Variants in AK4 observed in about 807,000 individuals in gnomAD.
The protein encoded by AK4 is adenylate kinase 4, mitochondrial.
In AK4, 13 loss-of-function variants were observed where a neutral mutation model predicts 24.6. The observed-to-expected ratio is 0.53, with a 90% confidence interval of 0.34 to 0.84. The LOEUF (loss-of-function observed/expected upper bound fraction) is 0.84, where lower values mean the gene tolerates loss of function less well. Among genes scored for constraint, AK4 ranks in the 40% least tolerant of loss-of-function variants. The pLI is 0.01. For missense variants in AK4, 192 were observed against 288.2 expected, an observed-to-expected ratio of 0.67 and a Z score of 2.42; for synonymous variants, 88 against 107.0, an observed-to-expected ratio of 0.82 and a Z score of 1.10.
chr1:65,224,439 TTTG>T (rs1183876637), intron 3 of AK4, among the ~76,000 whole-genome samples: 1 of 152,084 alleles, frequency 6.6e-6, no homozygotes, highest in African/African-American at 2.4e-5. Context: ...GATGACAAGG[TTTG>T]TTGTTAGGAG....
At chr1:65,163,609 G>A (rs1198325743) in intron 1 of AK4, among the ~76,000 whole-genome samples, 1 of 152,208 alleles carries the variant, frequency 6.6e-6, no homozygotes, top group Non-Finnish European at 1.5e-5. Flanking sequence ...AAGCCAGGTT[G>A]CAGTTTGTCC....
intron 2 of AK4, among the ~76,000 whole-genome samples, chr1:65,214,910 G>A (rs563947296): frequency 2.0e-5 from 3 of 152,244 alleles, no homozygotes; most frequent in Admixed American, 1.3e-4. Context: ...AGATAGAGGC[G>A]ACTTGTTCTT....
intron 1 of AK4, among the ~76,000 whole-genome samples, chr1:65,190,160 A>G (rs1414909898): frequency 6.6e-6 from 1 of 151,946 alleles, no homozygotes; most frequent in Non-Finnish European, 1.5e-5. Flanking sequence ...CAGCTTTTTT[A>G]TGTACCATCC....
intron 1 of AK4, among the ~76,000 whole-genome samples, chr1:65,185,970 A>G (rs546384344): frequency 1.3e-5 from 2 of 152,010 alleles, no homozygotes; most frequent in Non-Finnish European, 2.9e-5. Flanking sequence ...CCTCTTTTCA[A>G]AAGGTTGCTA....
chr1:65,192,151 C>G (rs1570110465), intron 2 of AK4, among the ~76,000 whole-genome samples: 1 of 152,166 alleles, frequency 6.6e-6, no homozygotes, highest in Non-Finnish European at 1.5e-5. Flanking sequence ...GTACTTTGGA[C>G]TGGGCAATTT....
rs146721992 is a variant in AK4, at chr1:65,180,902, C to G, written c.146-9808C>G. Among the ~76,000 whole-genome samples, 4 of 152,162 alleles carry G rather than the reference C, an allele frequency of 2.6e-5. No homozygotes were observed. The East Asian group carries it at 7.7e-4, about 29-fold the overall frequency. ...GAGCAAGGCTTCTCCTAGTTCTGTC[C>G]CATACATGCAGTCTGATACTTCAGG... On this transcript the variant is annotated intron_variant, in intron 1 of 4. Transcript: ENST00000327299.
At chr1:65,156,925 CAAAA>C (rs71829208) in intron 1 of AK4, among the ~76,000 whole-genome samples, 3 of 81,382 alleles carry the variant, frequency 3.7e-5, no homozygotes, top group Admixed American at 1.2e-4. Flanking sequence ...GACTGTGTCT[CAAAA>C]AAAAAAAAAA....
chr1:65,176,297 C>T (rs548883947), intron 1 of AK4, among the ~76,000 whole-genome samples: 2 of 152,244 alleles, frequency 1.3e-5, no homozygotes, highest in Admixed American at 6.5e-5. Context: ...ACTGCCAACA[C>T]ATTTCTGGAC....
At chr1:65,187,826 T>G (rs971489202) in intron 1 of AK4, among the ~76,000 whole-genome samples, 5 of 152,220 alleles carry the variant, frequency 3.3e-5, no homozygotes, top group Non-Finnish European at 7.3e-5. Flanking sequence ...TGACCTGTTA[T>G]GGAGTATGTA....
intron 2 of AK4, among the ~76,000 whole-genome samples, chr1:65,201,870 G>C (rs1430189377): frequency 6.6e-6 from 1 of 152,166 alleles, no homozygotes; most frequent in African/African-American, 2.4e-5. Context: ...AAACAACATG[G>C]TGTATTCTGG....
Position 65,190,815 on chromosome 1 carries a change from A to G in AK4, c.251A>G (p.His84Arg), listed in dbSNP as rs1277999290. The G allele has an allele frequency of 1.7e-5, 27 of 1,613,798 alleles. No individual in the cohort carries two copies. The highest frequency in any genetic ancestry group is 2.0e-5 in the Non-Finnish European group (24 of 1,179,918). ...MSELENRRGQ[H>R]WLLDGFPRTL... ...GAGTTGGAGAACAGGCGTGGCCAGCACTGGCTCCTTGATGGTGAGTTGAAA... is the reference window on the plus strand; with the variant it reads ...GAGTTGGAGAACAGGCGTGGCCAGCGCTGGCTCCTTGATGGTGAGTTGAAA... Residue 84 changes from histidine to arginine, a missense_variant, in exon 2 of 5, where the codon CAC becomes CGC. Coordinates refer to ENST00000327299, the MANE Select transcript of AK4 (RefSeq NM_013410.4).
At position 65,227,458 on chromosome 1, in the gene AK4, C is replaced by A. The variant is rs979350172; in HGVS notation, c.*1281C>A. ...CTAGAATTAGATACTAATATTTTGT[C>A]ATTCATTATAACATATCAATAAACC... On this transcript the variant is annotated 3_prime_UTR_variant, in exon 5 of 5. Transcript: ENST00000327299. The A allele has an allele frequency of 2.0e-5, 3 of 152,290 alleles. No individual in the cohort carries two copies. Among genetic ancestry groups the A allele is most frequent in the Non-Finnish European group, 4.4e-5 (3 of 67,980 alleles). 9.4% of individuals were successfully genotyped at this position (152,290 alleles called of 1,614,324 possible). A position where few individuals can be genotyped will look rare whatever the true frequency, so the allele number is the denominator to read the frequency against.
At chr1:65,148,691 A>C (rs901339733) in intron 1 of AK4, 139 bp downstream of exon 1, 2 of 1,284,310 alleles carry the variant, frequency 1.6e-6, no homozygotes, top group East Asian at 3.1e-5. Context: ...GCCGGGGCGC[A>C]TGCAGCTGGC....
At chr1:65,169,975 G>T (rs1318856896) in intron 1 of AK4, among the ~76,000 whole-genome samples, 1 of 152,062 alleles carries the variant, frequency 6.6e-6, no homozygotes, top group Non-Finnish European at 1.5e-5. Flanking sequence ...TTACTCTAGG[G>T]TTAGTTTTGT....
At chr1:65,182,489 G>A (rs894899956) in intron 1 of AK4, among the ~76,000 whole-genome samples, 5 of 151,350 alleles carry the variant, frequency 3.3e-5, no homozygotes, top group South Asian at 2.1e-4. Context: ...CCCCACCTGC[G>A]TTACTTATTG....
chr1:65,207,567 T>C (rs1052851698), intron 2 of AK4, among the ~76,000 whole-genome samples: 1 of 151,708 alleles, frequency 6.6e-6, no homozygotes, highest in Non-Finnish European at 1.5e-5. Context: ...TTTTTTTTTT[T>C]TCCTTCTACT....
In AK4 at chr1:65,166,310, CTGTGTGTGTGTGTGTGTGTGTGTGTG is replaced by C. The variant is rs34870729; in HGVS notation, c.145+17774_145+17799del. On this transcript the variant is annotated intron_variant, in intron 1 of 4. Coordinates refer to ENST00000327299, the MANE Select transcript of AK4 (RefSeq NM_013410.4). ...GAAGCACAATCCAGTGGGATTTAAGCTGTGTGTGTGTGTGTGTGTGTGTGTGTGTGTGTGTGTGTGTTTACCACCCA... is the reference window on the plus strand; with the variant it reads ...GAAGCACAATCCAGTGGGATTTAAGCTGTGTGTGTGTGTGTTTACCACCCA... Among the ~76,000 whole-genome samples the C allele has an allele frequency of 2.8e-5, 4 of 143,008 alleles. No individual in the cohort carries two copies. In the East Asian group the frequency reaches 8.4e-4, roughly 30 times the overall value. The allele number at this position is 143,008 out of a possible 152,430, so 93.8% of individuals were successfully genotyped here. A position where few individuals can be genotyped will look rare whatever the true frequency, so the allele number is the denominator to read the frequency against.
Position 65,218,929 on chromosome 1 carries a change from A to G in AK4, c.438+3A>G. 3 of 1,556,394 alleles carry G rather than the reference A, an allele frequency of 1.9e-6. No individual in the cohort carries two copies. The highest frequency in any genetic ancestry group is 2.6e-6 in the Non-Finnish European group (3 of 1,155,600). ...ACTTCAATCCACCTCATGTACATGT[A>G]AGAATATACAAAGTGCTTTCACAAC... On this transcript the variant is annotated splice_donor_region_variant and intron_variant, in intron 3 of 4. Coordinates refer to ENST00000327299, the MANE Select transcript of AK4 (RefSeq NM_013410.4).
intron 4 of AK4, 97 bp downstream of exon 4, chr1:65,224,967 T>A: frequency 1.1e-6 from 1 of 880,492 alleles, no homozygotes; most frequent in Non-Finnish European, 1.8e-6. Flanking sequence ...AGTGTTTCTT[T>A]AAGACAGATA....
Sources: gnomAD v4.1 joint callset for allele counts (sites outside exome capture counted in the v4.1 genomes callset) on GRCh38, gnomAD v4.1.1 for gene constraint, MANE v1.5 for transcripts, NCBI Gene and HGNC (gene_info 2026-07-23, HGNC 2026-07-21) for gene names.